Variants in HMGCLL1 observed in about 807,000 individuals in gnomAD.
HMGCLL1 encodes 3-hydroxymethyl-3-methylglutaryl-CoA lyase, cytoplasmic.
In HMGCLL1, 36 loss-of-function variants were observed where a neutral mutation model predicts 39.1. The observed-to-expected ratio is 0.92, with a 90% confidence interval of 0.71 to 1.22. The LOEUF (loss-of-function observed/expected upper bound fraction) is 1.22. Among genes scored for constraint, HMGCLL1 ranks in the 50% most tolerant of loss-of-function variants. The probability of loss-of-function intolerance (pLI) is 0.00; values close to 1 mark genes in which losing one functional copy is unlikely to be tolerated. For missense variants in HMGCLL1, 451 were observed against 416.5 expected (o/e 1.08, Z -0.72); for synonymous variants, 149 against 144.0 (o/e 1.03, Z -0.25).
the HMGCLL1 span, among the ~76,000 whole-genome samples, chr6:55,644,102 G>A: frequency 1.3e-5 from 2 of 151,930 alleles, no homozygotes; most frequent in Admixed American, 6.6e-5. Flanking sequence ...GCCATTTTAA[G>A]TGGGGTGAGA....
intron 5 of HMGCLL1, among the ~76,000 whole-genome samples, chr6:55,510,933 G>A (rs1469113263): frequency 3.3e-5 from 5 of 151,640 alleles, no homozygotes; most frequent in Non-Finnish European, 7.4e-5. Flanking sequence ...CACAAAGAGT[G>A]AGCATGTGAT....
At chr6:55,620,468 T>C in the HMGCLL1 span, among the ~76,000 whole-genome samples, 1 of 152,202 alleles carries the variant, frequency 6.6e-6, no homozygotes, top group Non-Finnish European at 1.5e-5. Flanking sequence ...CTTCTTCGTA[T>C]ATGTTTACCT....
intron 1 of HMGCLL1, among the ~76,000 whole-genome samples, chr6:55,576,360 T>C (rs1167222912): frequency 6.6e-6 from 1 of 152,162 alleles, no homozygotes; most frequent in East Asian, 1.9e-4. Context: ...AAAAGGCCAC[T>C]GTGGCTAAAG....
At chr6:55,650,916 T>C in the HMGCLL1 span, among the ~76,000 whole-genome samples, 7 of 149,552 alleles carry the variant, frequency 4.7e-5, no homozygotes, top group Non-Finnish European at 1.0e-4. Flanking sequence ...CTGCCAGGCC[T>C]GAGACTCACA....
the HMGCLL1 span, among the ~76,000 whole-genome samples, chr6:55,671,776 A>C: frequency 6.6e-6 from 1 of 151,750 alleles, no homozygotes; most frequent in African/African-American, 2.4e-5. Flanking sequence ...TTTTTACAGC[A>C]GCCGTATCTT....
chr6:55,514,034 G>A lies in HMGCLL1; in HGVS notation c.542+14C>T. On this transcript the variant is annotated intron_variant, in intron 5 of 8. Coordinates refer to ENST00000274901, the MANE Select transcript of HMGCLL1 (RefSeq NM_001042406.2). ...AACATTAACAAAACAGAATTTGTGG[G>A]ATTTCATAAGTACCCTCGTGCTGGA... The A allele has an allele frequency of 6.2e-7, 1 of 1,606,052 alleles. No individual in the cohort carries two copies. Among genetic ancestry groups the A allele is most frequent in the Non-Finnish European group, 8.5e-7 (1 of 1,177,352 alleles).
At chr6:55,527,597 T>C (rs969414143) in intron 3 of HMGCLL1, among the ~76,000 whole-genome samples, 2 of 152,030 alleles carry the variant, frequency 1.3e-5, no homozygotes, top group East Asian at 1.9e-4. Context: ...AAAATATCTA[T>C]TGAAAATTTC....
At chr6:55,655,206 T>A in the HMGCLL1 span, among the ~76,000 whole-genome samples, 6 of 152,000 alleles carry the variant, frequency 3.9e-5, no homozygotes, top group Non-Finnish European at 8.8e-5. Flanking sequence ...TTTCTACTTA[T>A]TTCATTTTAG....
chr6:55,542,721 G>A (rs1769521749), intron 1 of HMGCLL1, among the ~76,000 whole-genome samples: 1 of 150,358 alleles, frequency 6.7e-6, no homozygotes, highest in Non-Finnish European at 1.5e-5. Flanking sequence ...GGAGGTTGCA[G>A]TGAGCTGAGA....
chr6:55,630,418 T>C, the HMGCLL1 span, among the ~76,000 whole-genome samples: 9 of 152,186 alleles, frequency 5.9e-5, no homozygotes, highest in Admixed American at 2.6e-4. Context: ...TACAGGCTCA[T>C]AGGCAGAAGG....
the HMGCLL1 span, among the ~76,000 whole-genome samples, chr6:55,665,332 C>A: frequency 6.6e-6 from 1 of 151,692 alleles, no homozygotes; most frequent in African/African-American, 2.4e-5. Flanking sequence ...ATGATTTTAT[C>A]CCAAATAAGG....
intron 7 of HMGCLL1, among the ~76,000 whole-genome samples, chr6:55,450,655 G>A (rs1022270969): frequency 4.6e-5 from 7 of 152,192 alleles, no homozygotes; most frequent in Non-Finnish European, 1.0e-4. Flanking sequence ...TGTGAACAGA[G>A]AGATATCTAG....
At chr6:55,553,180 C>CAT (rs201177169) in intron 1 of HMGCLL1, among the ~76,000 whole-genome samples, 1,752 of 75,384 alleles carry the variant, frequency 0.023, 28 homozygotes, top group African/African-American at 0.087. Flanking sequence ...TATATACATA[C>CAT]ACACACACAC....
the HMGCLL1 span, among the ~76,000 whole-genome samples, chr6:55,634,734 G>A: frequency 1.3e-5 from 2 of 152,044 alleles, no homozygotes; most frequent in Non-Finnish European, 1.5e-5. Context: ...TATTTGGTCC[G>A]TTATTCAAAT....
At chr6:55,527,412 G>A (rs940808295) in intron 3 of HMGCLL1, among the ~76,000 whole-genome samples, 1 of 151,948 alleles carries the variant, frequency 6.6e-6, no homozygotes, top group African/African-American at 2.4e-5. Flanking sequence ...AACAAGTTTG[G>A]GAATCAATAA....
intron 7 of HMGCLL1, among the ~76,000 whole-genome samples, chr6:55,461,879 A>G (rs1200181948): frequency 2.6e-5 from 4 of 152,192 alleles, no homozygotes; most frequent in Admixed American, 6.5e-5. Context: ...GAAAACAATA[A>G]TATCTCTAGT....
intron 7 of HMGCLL1, among the ~76,000 whole-genome samples, chr6:55,463,736 CTTTG>C (rs1453591836): frequency 6.6e-6 from 1 of 152,124 alleles, no homozygotes; most frequent in African/African-American, 2.4e-5. Flanking sequence ...AGAAAGTGAG[CTTTG>C]TTTGTTGTTC....
intron 5 of HMGCLL1, among the ~76,000 whole-genome samples, chr6:55,499,611 A>C (rs1285009931): frequency 6.6e-6 from 1 of 152,064 alleles, no homozygotes; most frequent in Non-Finnish European, 1.5e-5. Context: ...AATACCAGTG[A>C]AATATATGGT....
the HMGCLL1 span, among the ~76,000 whole-genome samples, chr6:55,677,593 A>G: frequency 6.6e-6 from 1 of 152,158 alleles, no homozygotes; most frequent in Non-Finnish European, 1.5e-5. Context: ...CACTAAAGTA[A>G]TTCTTCAGTT....
Sources: gnomAD v4.1 joint callset for allele counts (sites outside exome capture counted in the v4.1 genomes callset) on GRCh38, gnomAD v4.1.1 for gene constraint, MANE v1.5 for transcripts, NCBI Gene and HGNC (gene_info 2026-07-23, HGNC 2026-07-21) for gene names.